The following EXOC2 variants were observed in gnomAD, a reference collection of about 807,000 sequenced individuals.
The protein encoded by EXOC2 is SEC5-like 1.
In EXOC2, 70 loss-of-function variants were observed where a neutral mutation model predicts 131.8. The ratio of observed to expected loss-of-function variants is 0.53; its 90% confidence interval spans 0.44 to 0.65. The LOEUF (loss-of-function observed/expected upper bound fraction) is 0.65. Ranked by LOEUF, EXOC2 falls within the 30% of genes least tolerant of loss-of-function variation. EXOC2 has a pLI of 0.00. For synonymous variants in EXOC2, 411 were observed against 398.4 expected (o/e 1.03, Z -0.38); for missense variants, 923 against 1,108.6 (o/e 0.83, Z 2.38).
chr6:629,263 T>C (rs1761727822), intron 4 of EXOC2, among the ~76,000 whole-genome samples: 1 of 152,224 alleles, frequency 6.6e-6, no homozygotes, highest in Non-Finnish European at 1.5e-5. Flanking sequence ...ATTAGGTGAA[T>C]TGTTTAAGTA....
At chr6:527,815 G>A (rs1485368753) in intron 23 of EXOC2, among the ~76,000 whole-genome samples, 2 of 152,048 alleles carry the variant, frequency 1.3e-5, no homozygotes, top group Non-Finnish European at 2.9e-5. Flanking sequence ...GATTCACTTA[G>A]TAAATAACTT....
intron 1 of EXOC2, among the ~76,000 whole-genome samples, chr6:649,009 G>C (rs1762711261): frequency 6.6e-6 from 1 of 151,916 alleles, no homozygotes; most frequent in Admixed American, 6.6e-5. Flanking sequence ...CACTGCACTG[G>C]GCCCTAACTC....
chr6:594,021 G>C (rs1759682606), intron 10 of EXOC2, among the ~76,000 whole-genome samples: 1 of 152,252 alleles, frequency 6.6e-6, no homozygotes, highest in Non-Finnish European at 1.5e-5. Flanking sequence ...GCCCAGAGGT[G>C]GCTGAGAGCT....
chr6:681,923 A>G (rs903988632), intron 1 of EXOC2, among the ~76,000 whole-genome samples: 2 of 152,232 alleles, frequency 1.3e-5, no homozygotes, highest in Non-Finnish European at 1.5e-5. Context: ...TTTCCTGCTC[A>G]CTGCTAACTC....
At chr6:657,058 A>G in intron 1 of EXOC2, 1 of 887,550 alleles carries the variant, frequency 1.1e-6, no homozygotes, top group Non-Finnish European at 1.6e-6. Flanking sequence ...CCGGCCCCCC[A>G]GCTAGGCAGG....
At chr6:489,812 A>C (rs1763314918) in intron 26 of EXOC2, among the ~76,000 whole-genome samples, 1 of 152,166 alleles carries the variant, frequency 6.6e-6, no homozygotes, top group Admixed American at 6.5e-5. Flanking sequence ...AAACATCCTC[A>C]ATCTACCAGG....
intron 11 of EXOC2, among the ~76,000 whole-genome samples, chr6:587,722 ATTTGCCTG>A (rs1759297217): frequency 6.6e-6 from 1 of 152,162 alleles, no homozygotes; most frequent in African/African-American, 2.4e-5. Flanking sequence ...TTCATTTACC[ATTTGCCTG>A]TGCACTGAGT....
At chr6:659,064 A>G (rs1215517267) in intron 1 of EXOC2, among the ~76,000 whole-genome samples, 2 of 152,208 alleles carry the variant, frequency 1.3e-5, no homozygotes, top group South Asian at 2.1e-4. Context: ...TTCACATAAT[A>G]TACAGTATCT....
chr6:657,948 G>T (rs376519571), intron 1 of EXOC2, among the ~76,000 whole-genome samples: 108 of 152,052 alleles, frequency 7.1e-4, no homozygotes, highest in African/African-American at 2.4e-3. Context: ...CACTGTTTTT[G>T]GTATTCTTTG....
intron 21 of EXOC2, among the ~76,000 whole-genome samples, chr6:551,209 C>A (rs1030815297): frequency 1.3e-5 from 2 of 152,262 alleles, no homozygotes; most frequent in Middle Eastern, 3.4e-3. Context: ...AGTGATCCCC[C>A]ACGTTCCGTT....
At chr6:607,212 C>T (rs1251415736) in intron 7 of EXOC2, among the ~76,000 whole-genome samples, 1 of 152,192 alleles carries the variant, frequency 6.6e-6, no homozygotes, top group South Asian at 2.1e-4. Flanking sequence ...ATGACTGAAA[C>T]CTGCGCCTAT....
Position 491,170 on chromosome 6 carries a change from C to G in EXOC2, c.2576G>C (p.Cys859Ser), listed in dbSNP as rs780699859. The G allele has an allele frequency of 6.2e-7, 1 of 1,614,176 alleles. No homozygotes were observed. The highest frequency in any genetic ancestry group is 1.7e-5 in the Admixed American group (1 of 60,028). The change falls in exon 26 of 28, where the codon TGT becomes TCT. Residue 859 changes from cysteine (C) to serine (S), a missense_variant. Coordinates refer to ENST00000230449, the MANE Select transcript of EXOC2 (RefSeq NM_018303.6). Reference protein sequence around the residue: ...NGALQARLEICALRDTVAVYL... With the variant: ...NGALQARLEISALRDTVAVYL... The stretch of plus-strand genomic sequence containing the variant: ...AACAGCCACAGTGTCCCTCAAAGCA[C>G]AGATTTCAAGTCTCGCCTGAAAATG...
chr6:570,827 T>C (rs973089974), intron 13 of EXOC2, among the ~76,000 whole-genome samples: 2 of 152,202 alleles, frequency 1.3e-5, no homozygotes. Flanking sequence ...TCCAAAGGCA[T>C]GACAGGGGAG....
chr6:527,937 G>A (rs973178416), intron 23 of EXOC2, among the ~76,000 whole-genome samples: 3 of 151,954 alleles, frequency 2.0e-5, no homozygotes, highest in Non-Finnish European at 2.9e-5. Context: ...TTTCAAAGAC[G>A]TGAACTTCAA....
At chr6:525,575 T>C (rs1765692792) in intron 23 of EXOC2, 1 of 152,244 alleles carries the variant, frequency 6.6e-6, no homozygotes. Context: ...TAGTACTGCA[T>C]GTGCCTGTTC....
intron 23 of EXOC2, among the ~76,000 whole-genome samples, chr6:517,016 G>C (rs973454060): frequency 6.6e-6 from 1 of 152,182 alleles, no homozygotes; most frequent in Non-Finnish European, 1.5e-5. Flanking sequence ...TGGTGGTGCT[G>C]CTGGAATATG....
intron 21 of EXOC2, 128 bp from the exon 22 acceptor site, chr6:549,419 G>A: frequency 1.6e-6 from 1 of 641,734 alleles, no homozygotes; most frequent in Non-Finnish European, 2.7e-6. Flanking sequence ...GCTTTTCTTG[G>A]CTGCTTCTTT....
intron 2 of EXOC2, 87 bp from the exon 3 acceptor site, chr6:633,204 CTT>C (rs1238897728): frequency 3.5e-5 from 49 of 1,399,850 alleles, no homozygotes; most frequent in Non-Finnish European, 4.6e-5. Context: ...TAAATCTAGT[CTT>C]GTTCAATAAT....
chr6:654,484 T>C (rs1287540461), intron 1 of EXOC2, among the ~76,000 whole-genome samples: 1 of 151,814 alleles, frequency 6.6e-6, no homozygotes, highest in African/African-American at 2.4e-5. Flanking sequence ...GCAAGTATGG[T>C]GGAAGTAGCA....
Sources: gnomAD v4.1 joint callset for allele counts (sites outside exome capture counted in the v4.1 genomes callset) on GRCh38, gnomAD v4.1.1 for gene constraint, MANE v1.5 for transcripts, NCBI Gene and HGNC (gene_info 2026-07-23, HGNC 2026-07-21) for gene names.